ARHGAP26: variants seen among roughly 807,000 people sequenced by gnomAD.
The protein encoded by ARHGAP26 is Rho GTPase activating protein 26, also known as rho GTPase-activating protein 26.
In ARHGAP26, 38 loss-of-function variants were observed where a neutral mutation model predicts 104.8. That is an observed-to-expected ratio of 0.36 (90% CI 0.28 to 0.48). The LOEUF is 0.48. ARHGAP26 is among the 20% of genes least tolerant of loss of function. ARHGAP26 has a pLI of 0.99. For missense variants in ARHGAP26, 704 were observed against 947.9 expected (o/e 0.74, Z 3.38); for synonymous variants, 341 against 340.0 (o/e 1.00, Z -0.03).
At chr5:143,010,005 A>G (rs1778521283) in intron 11 of ARHGAP26, among the ~76,000 whole-genome samples, 2 of 152,228 alleles carry the variant, frequency 1.3e-5, no homozygotes, top group African/African-American at 4.8e-5. Context: ...TGAGATTGCT[A>G]ATCATAAGAC....
intron 6 of ARHGAP26, among the ~76,000 whole-genome samples, chr5:142,897,077 T>C (rs559935938): frequency 2.6e-4 from 40 of 152,308 alleles, no homozygotes; most frequent in African/African-American, 9.4e-4. Flanking sequence ...ACCCAGGTGC[T>C]GTGGCTGAGG....
intron 11 of ARHGAP26, among the ~76,000 whole-genome samples, chr5:142,951,977 T>G (rs1251948186): frequency 6.6e-6 from 1 of 152,332 alleles, no homozygotes; most frequent in Admixed American, 6.5e-5. Flanking sequence ...CTTCCTCACC[T>G]CTTCCAGTTT....
intron 1 of ARHGAP26, among the ~76,000 whole-genome samples, chr5:142,833,057 C>CT (rs917304397): frequency 4.5e-4 from 68 of 150,906 alleles, no homozygotes; most frequent in South Asian, 2.3e-3. Context: ...ACTTTTATTT[C>CT]TTTTTTTTTG....
At chr5:142,849,623 CTT>C (rs982445335) in intron 1 of ARHGAP26, among the ~76,000 whole-genome samples, 12 of 152,160 alleles carry the variant, frequency 7.9e-5, no homozygotes, top group African/African-American at 2.9e-4. Flanking sequence ...GTCTGCCTCT[CTT>C]TGTCACTAAT....
At chr5:142,956,929 C>T (rs183416215) in intron 11 of ARHGAP26, among the ~76,000 whole-genome samples, 98 of 152,238 alleles carry the variant, frequency 6.4e-4, no homozygotes, top group Admixed American at 1.6e-3. Context: ...TACCGGCCCT[C>T]GTGATTCAAT....
intron 11 of ARHGAP26, among the ~76,000 whole-genome samples, chr5:142,967,616 C>T (rs146815966): frequency 6.6e-6 from 1 of 152,218 alleles, no homozygotes; most frequent in East Asian, 1.9e-4. Context: ...CCCATCTCTA[C>T]TAAAAATACA....
At chr5:143,174,294 G>A (rs562038784) in intron 20 of ARHGAP26, among the ~76,000 whole-genome samples, 10 of 152,290 alleles carry the variant, frequency 6.6e-5, no homozygotes, top group East Asian at 1.9e-4. Flanking sequence ...GCAACTTTTC[G>A]TGTAATGATG....
At chr5:143,090,532 G>A (rs1791257899) in intron 17 of ARHGAP26, among the ~76,000 whole-genome samples, 1 of 152,216 alleles carries the variant, frequency 6.6e-6, no homozygotes, top group African/African-American at 2.4e-5. Flanking sequence ...GAAGGTGCAG[G>A]TGGCGGGGGA....
chr5:143,055,912 C>T, intron 15 of ARHGAP26, 116 bp from the exon 16 acceptor site: 1 of 687,266 alleles, frequency 1.5e-6, no homozygotes, highest in Non-Finnish European at 2.4e-6. Flanking sequence ...TATTGTTTCC[C>T]TGTGATCTTT....
chr5:142,804,760 G>A (rs1241858046), intron 1 of ARHGAP26, among the ~76,000 whole-genome samples: 1 of 152,048 alleles, frequency 6.6e-6, no homozygotes, highest in Non-Finnish European at 1.5e-5. Flanking sequence ...CCGAAGTTCT[G>A]GGATTACAGG....
intron 11 of ARHGAP26, among the ~76,000 whole-genome samples, chr5:142,946,079 C>T (rs202170232): frequency 1.3e-5 from 2 of 152,272 alleles, no homozygotes; most frequent in East Asian, 3.9e-4. Flanking sequence ...CACTATCCTC[C>T]CTTCATCTAG....
intron 1 of ARHGAP26, among the ~76,000 whole-genome samples, chr5:142,847,653 G>A (rs989042017): frequency 6.6e-6 from 1 of 152,206 alleles, no homozygotes; most frequent in Non-Finnish European, 1.5e-5. Flanking sequence ...CACCGTGCCC[G>A]GCCAGGATGA....
intron 1 of ARHGAP26, among the ~76,000 whole-genome samples, chr5:142,829,839 G>A (rs1482084259): frequency 2.0e-5 from 3 of 152,132 alleles, no homozygotes; most frequent in Non-Finnish European, 4.4e-5. Context: ...ACTGAGGATG[G>A]TGTCATTCTC....
chr5:142,863,330 A>G (rs78940562), intron 1 of ARHGAP26, among the ~76,000 whole-genome samples: 7,482 of 152,100 alleles, frequency 0.049, 215 homozygotes, highest in Middle Eastern at 0.078. Context: ...GCTGGTCTTG[A>G]ACTCCTGACC....
At chr5:143,004,701 T>C (rs1445964679) in intron 11 of ARHGAP26, among the ~76,000 whole-genome samples, 3 of 152,200 alleles carry the variant, frequency 2.0e-5, no homozygotes, top group African/African-American at 7.2e-5. Flanking sequence ...CCTTTGAGAA[T>C]CTGAAGACTG....
chr5:142,984,584 G>A (rs538231625), intron 11 of ARHGAP26, among the ~76,000 whole-genome samples: 6 of 152,162 alleles, frequency 3.9e-5, no homozygotes, highest in African/African-American at 1.2e-4. Context: ...TTTTCTTAGC[G>A]TAATGCATAG....
At chr5:143,145,483 A>T (rs188040208) in intron 19 of ARHGAP26, among the ~76,000 whole-genome samples, 1 of 152,300 alleles carries the variant, frequency 6.6e-6, no homozygotes, top group Admixed American at 6.5e-5. Context: ...TCTTGTGAAA[A>T]GGAAAATTTT....
intron 20 of ARHGAP26, chr5:143,194,296 A>G (rs558828727): frequency 3.9e-5 from 6 of 152,328 alleles, no homozygotes; most frequent in African/African-American, 1.4e-4. Flanking sequence ...TTGTACTTAC[A>G]GTGCACAGTA....
intron 11 of ARHGAP26, among the ~76,000 whole-genome samples, chr5:142,955,124 A>AC (rs869285548): frequency 3.4e-5 from 5 of 149,148 alleles, no homozygotes; most frequent in Non-Finnish European, 6.0e-5. Context: ...ACACACACAC[A>AC]CCCCCCATCT....
Sources: allele counts gnomAD v4.1 joint callset (sites outside exome capture counted in the v4.1 genomes callset), GRCh38; gene constraint gnomAD v4.1.1; transcripts MANE v1.5; gene names NCBI Gene and HGNC (gene_info 2026-07-23, HGNC 2026-07-21).